Variants in POLR3B observed in about 807,000 individuals in gnomAD.
POLR3B encodes the protein RNA polymerase III subunit B, also known as DNA-directed RNA polymerase III subunit RPC2.
A neutral mutation model predicts 147.4 loss-of-function variants in POLR3B; 96 were observed. The observed-to-expected ratio is 0.65, with a 90% CI of 0.55 to 0.77. The LOEUF (loss-of-function observed/expected upper bound fraction) is 0.77. POLR3B is among the 30% of genes least tolerant of loss of function. The pLI, the probability that POLR3B is intolerant of heterozygous loss-of-function variation, is 0.00. For missense variants in POLR3B, 1,036 were observed against 1,413.5 expected, an observed-to-expected ratio of 0.73 and a Z score of 4.28; for synonymous variants, 461 against 485.9, an observed-to-expected ratio of 0.95 and a Z score of 0.67.
chr12:106,459,262 G>C lies in POLR3B; in HGVS notation c.2464G>C (p.Glu822Gln). 1 of 1,592,054 alleles carries C rather than the reference G, an allele frequency of 6.3e-7. No individual in the cohort carries two copies. Among genetic ancestry groups the C allele is most frequent in the Non-Finnish European group, 8.6e-7 (1 of 1,160,016 alleles). Residue 822 changes from glutamate to glutamine, a missense_variant, in exon 22 of 28, where the codon GAA becomes CAA. Transcript: ENST00000228347. ...DGICSPGEKV[E>Q]NKQVLVNKSM... ...TCTTTTTTTCTCAGGTGAGAAAGTA[G>C]AAAACAAACAAGTGCTTGTAAATAA...
Position 106,357,801 on chromosome 12 carries a change from C to G in POLR3B, c.-79C>G. 3 of 1,401,956 alleles carry G rather than the reference C, an allele frequency of 2.1e-6. No homozygotes were observed. Among genetic ancestry groups the G allele is most frequent in the Non-Finnish European group, 3.0e-6 (3 of 1,005,856 alleles). 86.8% of individuals were successfully genotyped at this position (1,401,956 alleles called of 1,614,324 possible). ...AGTTTAGGCCTCCGCGCACCGTTCG[C>G]CGGGAGTCTTGCAGTTTGCTTGGTG... On this transcript the variant is annotated 5_prime_UTR_variant, in exon 1 of 28. Transcript: ENST00000228347.
intron 6 of POLR3B, among the ~76,000 whole-genome samples, chr12:106,370,324 T>C (rs1056262545): frequency 4.6e-5 from 7 of 152,200 alleles, no homozygotes; most frequent in Non-Finnish European, 8.8e-5. Flanking sequence ...CTATCACTTC[T>C]TATGTATGAT....
intron 10 of POLR3B, 113 bp downstream of exon 10, chr12:106,393,266 A>T: frequency 1.4e-6 from 2 of 1,448,598 alleles, no homozygotes; most frequent in Non-Finnish European, 1.9e-6. Context: ...TGGGAAAGGT[A>T]TTGGGGAGAT....
At chr12:106,405,539 TACACACACACACACAC>T (rs71072675) in intron 10 of POLR3B, among the ~76,000 whole-genome samples, 3 of 142,594 alleles carry the variant, frequency 2.1e-5, no homozygotes, top group South Asian at 2.4e-4. Flanking sequence ...GCTATATGTC[TACACACACACACACAC>T]ACACACACAC....
At chr12:106,369,088 T>C (rs2036569254) in intron 4 of POLR3B, among the ~76,000 whole-genome samples, 187 bp from the exon 5 acceptor site, 1 of 152,172 alleles carries the variant, frequency 6.6e-6, no homozygotes, top group East Asian at 1.9e-4. Flanking sequence ...TGATAATATT[T>C]CCCTCCTTTG....
chr12:106,455,527 C>T lies in POLR3B; in HGVS notation c.2293+816C>T, dbSNP rs148834159. Among the ~76,000 whole-genome samples, 167 of 152,304 alleles carry T rather than the reference C, an allele frequency of 1.1e-3. 2 individuals are homozygous for T. Among genetic ancestry groups the T allele is most frequent in the African/African-American group, 3.9e-3 (162 of 41,576 alleles). ...TAACTGGTAACGTTTATGTGGAAATCTGAAGACTTTGTGATGTCTGTCAGA... is the reference window on the plus strand; with the variant it reads ...TAACTGGTAACGTTTATGTGGAAATTTGAAGACTTTGTGATGTCTGTCAGA... On this transcript the variant is annotated intron_variant, in intron 20 of 27. Transcript: ENST00000228347.
chr12:106,427,389 G>A, intron 13 of POLR3B, 31 bp downstream of exon 13: 1 of 1,594,036 alleles, frequency 6.3e-7, no homozygotes, highest in Non-Finnish European at 8.6e-7. Flanking sequence ...TTAGGATTTT[G>A]TAATTTATTT....
chr12:106,392,851 T>C (rs976612426), intron 9 of POLR3B, among the ~76,000 whole-genome samples, 180 bp from the exon 10 acceptor site: 2 of 152,242 alleles, frequency 1.3e-5, no homozygotes, highest in Non-Finnish European at 2.9e-5. Flanking sequence ...AATCAAAATA[T>C]CTGTTTCAGG....
At chr12:106,481,605 A>G (rs2038268992) in intron 23 of POLR3B, among the ~76,000 whole-genome samples, 1 of 152,096 alleles carries the variant, frequency 6.6e-6, no homozygotes, top group Non-Finnish European at 1.5e-5. Flanking sequence ...TCCTCTCTTT[A>G]TCAGCTTTCA....
chr12:106,419,609 G>C (rs568123184), intron 12 of POLR3B, among the ~76,000 whole-genome samples: 1 of 151,838 alleles, frequency 6.6e-6, no homozygotes, highest in East Asian at 1.9e-4. Flanking sequence ...TTAATGTTTT[G>C]TTATTTAACT....
At chr12:106,465,460 T>A (rs1167515520) in intron 23 of POLR3B, among the ~76,000 whole-genome samples, 2 of 133,932 alleles carry the variant, frequency 1.5e-5, no homozygotes, top group African/African-American at 6.8e-5. Flanking sequence ...GTGCTCTAAT[T>A]CCACTAAACT....
intron 23 of POLR3B, among the ~76,000 whole-genome samples, chr12:106,494,169 A>G (rs533947404): frequency 7.2e-5 from 11 of 152,190 alleles, no homozygotes; most frequent in Non-Finnish European, 1.6e-4. Context: ...TTTTAATAAC[A>G]TAATAAAGTT....
chr12:106,438,102 TC>T (rs1184680666), intron 18 of POLR3B, among the ~76,000 whole-genome samples: 1 of 152,176 alleles, frequency 6.6e-6, no homozygotes, highest in Non-Finnish European at 1.5e-5. Context: ...CCATGTGTTC[TC>T]ATTGTTCAGC....
At chr12:106,408,664 C>A (rs116580048) in intron 11 of POLR3B, among the ~76,000 whole-genome samples, 134 of 152,306 alleles carry the variant, frequency 8.8e-4, no homozygotes, top group African/African-American at 3.1e-3. Flanking sequence ...TGTCAGCATT[C>A]TGGGTTCGTT....
At chr12:106,448,850 T>A (rs1441219367) in intron 19 of POLR3B, among the ~76,000 whole-genome samples, 1 of 152,210 alleles carries the variant, frequency 6.6e-6, no homozygotes, top group Non-Finnish European at 1.5e-5. Context: ...AAAGGTTTTC[T>A]ATGTCTTCTA....
At chr12:106,471,278 A>G (rs892637864) in intron 23 of POLR3B, among the ~76,000 whole-genome samples, 1 of 152,168 alleles carries the variant, frequency 6.6e-6, no homozygotes, top group Admixed American at 6.5e-5. Context: ...GCCCAGGCAC[A>G]GGAGGGGATC....
intron 10 of POLR3B, among the ~76,000 whole-genome samples, chr12:106,402,641 C>T (rs2037085179): frequency 1.3e-5 from 2 of 152,118 alleles, no homozygotes. Flanking sequence ...ACAGAGCCCT[C>T]AGAAATAATG....
chr12:106,392,756 G>A (rs148804015), intron 9 of POLR3B, among the ~76,000 whole-genome samples: 7 of 152,028 alleles, frequency 4.6e-5, no homozygotes, highest in South Asian at 2.1e-4. Flanking sequence ...TCCTTTTTTC[G>A]TGATGAAACT....
At chr12:106,359,148 G>A (rs1440135708) in intron 1 of POLR3B, among the ~76,000 whole-genome samples, 1 of 152,098 alleles carries the variant, frequency 6.6e-6, no homozygotes, top group Non-Finnish European at 1.5e-5. Flanking sequence ...CTGGAAGGTC[G>A]AGGCTGCAGT....
Sources: allele counts gnomAD v4.1 joint callset (sites outside exome capture counted in the v4.1 genomes callset), GRCh38; gene constraint gnomAD v4.1.1; transcripts MANE v1.5; gene names NCBI Gene and HGNC (gene_info 2026-07-23, HGNC 2026-07-21).